ATP8A2: variants seen among roughly 807,000 people sequenced by gnomAD.
ATP8A2 encodes the protein phospholipid-transporting ATPase IB.
A neutral mutation model predicts 165.6 loss-of-function variants in ATP8A2; 100 were observed. That is an observed-to-expected ratio of 0.60 (90% CI 0.51 to 0.71). The LOEUF (loss-of-function observed/expected upper bound fraction) is 0.71. Ranked by LOEUF, ATP8A2 falls within the 30% of genes least tolerant of loss-of-function variation. ATP8A2 has a pLI of 0.00. For synonymous variants in ATP8A2, 543 were observed against 548.8 expected (o/e 0.99, Z 0.15); for missense variants, 1,227 against 1,479.5 (o/e 0.83, Z 2.80).
At chr13:25,500,987 T>C (rs2036838226) in intron 2 of ATP8A2, among the ~76,000 whole-genome samples, 1 of 152,348 alleles carries the variant, frequency 6.6e-6, no homozygotes, top group South Asian at 2.1e-4. Context: ...TTTTCACTTT[T>C]GAAAAACTAA....
chr13:25,686,843 G>T (rs2042611815), intron 24 of ATP8A2, among the ~76,000 whole-genome samples: 1 of 151,792 alleles, frequency 6.6e-6, no homozygotes, highest in Non-Finnish European at 1.5e-5. Context: ...AACCCTGCTT[G>T]GTTTTCATCC....
At chr13:25,570,283 G>A (rs2039427794) in intron 16 of ATP8A2, among the ~76,000 whole-genome samples, 1 of 152,176 alleles carries the variant, frequency 6.6e-6, no homozygotes, top group African/African-American at 2.4e-5. Flanking sequence ...ACAGCAGTGA[G>A]GGAGGCAGAA....
intron 24 of ATP8A2, among the ~76,000 whole-genome samples, chr13:25,614,684 C>T (rs1189753594): frequency 1.3e-5 from 2 of 152,200 alleles, no homozygotes; most frequent in East Asian, 3.9e-4. Context: ...TTCTTTTGTC[C>T]CATGGGGTGT....
intron 36 of ATP8A2, among the ~76,000 whole-genome samples, chr13:26,013,114 A>G (rs1956884208): frequency 6.7e-6 from 1 of 149,106 alleles, no homozygotes; most frequent in Admixed American, 6.7e-5. Flanking sequence ...GCTGTGAAAC[A>G]TCCCCTCTCC....
chr13:25,628,232 C>T (rs1261057240), intron 24 of ATP8A2, among the ~76,000 whole-genome samples: 1 of 152,130 alleles, frequency 6.6e-6, no homozygotes, highest in Non-Finnish European at 1.5e-5. Flanking sequence ...TTTTTCTGAC[C>T]CACATTAATT....
At chr13:25,962,877 G>A (rs938355787) in intron 34 of ATP8A2, among the ~76,000 whole-genome samples, 7 of 152,030 alleles carry the variant, frequency 4.6e-5, no homozygotes, top group Non-Finnish European at 1.0e-4. Flanking sequence ...GATAGAGGGG[G>A]AAAGAATATT....
chr13:25,470,836 A>T (rs7325130), intron 2 of ATP8A2, among the ~76,000 whole-genome samples: 19,323 of 152,282 alleles, frequency 0.13, 1,425 homozygotes, highest in Non-Finnish European at 0.18. Context: ...TGAAAGCATT[A>T]TGCTAAGTGG....
intron 2 of ATP8A2, among the ~76,000 whole-genome samples, chr13:25,482,334 T>C (rs1045417126): frequency 2.0e-5 from 3 of 152,146 alleles, no homozygotes; most frequent in African/African-American, 7.2e-5. Context: ...GAGGTAAGCA[T>C]TGCAGTCCCT....
At chr13:25,789,544 A>G (rs2045114142) in intron 27 of ATP8A2, among the ~76,000 whole-genome samples, 1 of 152,240 alleles carries the variant, frequency 6.6e-6, no homozygotes, top group Non-Finnish European at 1.5e-5. Flanking sequence ...AAAGGCCTCT[A>G]CAGTGAGAAA....
chr13:25,524,449 C>A (rs1185260334), intron 2 of ATP8A2, among the ~76,000 whole-genome samples: 1 of 152,112 alleles, frequency 6.6e-6, no homozygotes, highest in Non-Finnish European at 1.5e-5. Context: ...CCATTACTGA[C>A]AGTGGGAAGC....
intron 2 of ATP8A2, among the ~76,000 whole-genome samples, chr13:25,495,168 C>T (rs112203970): frequency 3.3e-5 from 5 of 152,210 alleles, no homozygotes; most frequent in Non-Finnish European, 5.9e-5. Flanking sequence ...CCTGCTGCTG[C>T]CCTTCCAGGG....
chr13:25,693,068 C>G (rs532922163), intron 24 of ATP8A2, among the ~76,000 whole-genome samples: 4 of 152,284 alleles, frequency 2.6e-5, no homozygotes, highest in African/African-American at 9.6e-5. Flanking sequence ...TCCATTGTAA[C>G]TTTCAGTAAT....
chr13:25,451,424 T>A (rs908792029), intron 1 of ATP8A2, among the ~76,000 whole-genome samples: 1 of 152,172 alleles, frequency 6.6e-6, no homozygotes, highest in African/African-American at 2.4e-5. Flanking sequence ...TTTTCTATCC[T>A]GCCTATTGTT....
chr13:25,874,806 C>T (rs1952781788), intron 33 of ATP8A2, among the ~76,000 whole-genome samples: 1 of 152,128 alleles, frequency 6.6e-6, no homozygotes. Context: ...GAGGTAGACA[C>T]ACAATTCAAA....
At chr13:25,904,394 A>G (rs1334862890) in intron 33 of ATP8A2, among the ~76,000 whole-genome samples, 1 of 152,172 alleles carries the variant, frequency 6.6e-6, no homozygotes, top group African/African-American at 2.4e-5. Context: ...GCCCTTCGAC[A>G]TTCTCCGTTT....
chr13:25,578,477 C>T (rs1284834062), intron 20 of ATP8A2, among the ~76,000 whole-genome samples: 2 of 152,208 alleles, frequency 1.3e-5, no homozygotes, highest in African/African-American at 4.8e-5. Flanking sequence ...TACCCTTTCT[C>T]CTTCTGCGCA....
At chr13:25,996,388 A>T (rs550285157) in intron 35 of ATP8A2, among the ~76,000 whole-genome samples, 9 of 152,378 alleles carry the variant, frequency 5.9e-5, no homozygotes, top group African/African-American at 2.2e-4. Context: ...TTAACTCATC[A>T]AACATAATTT....
chr13:25,968,612 G>A lies in ATP8A2; in HGVS notation c.3310G>A (p.Val1104Met), dbSNP rs776866606. Residue 1104 changes from valine to methionine, a missense_variant, in exon 35 of 37, where the codon GTG becomes ATG. By Grantham distance (21) the Val-to-Met change is conservative. Transcript: ENST00000381655. ...HTCKKTLLEE[V>M]QELETKSRVL... ...CTGCAAAAAGACATTGCTGGAGGAG[G>A]TGCAGGAGCTGGAAACCAAGTCTCG... 1.2e-6 allele frequency: 2 copies of A among 1,613,954 alleles called. No homozygotes were observed. The highest frequency in any genetic ancestry group is 1.6e-4 in the Middle Eastern group (1 of 6,062).
intron 33 of ATP8A2, among the ~76,000 whole-genome samples, chr13:25,941,238 C>T (rs1446701597): frequency 6.6e-6 from 1 of 152,164 alleles, no homozygotes; most frequent in Non-Finnish European, 1.5e-5. Context: ...GGGGCCTCCT[C>T]CTATGCCTCC....
Sources: gnomAD v4.1 joint callset for allele counts (sites outside exome capture counted in the v4.1 genomes callset) on GRCh38, gnomAD v4.1.1 for gene constraint, MANE v1.5 for transcripts, NCBI Gene and HGNC (gene_info 2026-07-23, HGNC 2026-07-21) for gene names.